The following MACROD2 variants were observed in gnomAD, a reference collection of about 807,000 sequenced individuals.
MACROD2 encodes mono-ADP ribosylhydrolase 2, also known as ADP-ribose glycohydrolase MACROD2.
MACROD2 carries 36 observed loss-of-function variants against 70.4 expected under a neutral mutation model. The observed-to-expected ratio is 0.51, with a 90% CI of 0.39 to 0.68. MACROD2 has a LOEUF of 0.68. Among genes scored for constraint, MACROD2 ranks in the 30% least tolerant of loss-of-function variants. The pLI, the probability that MACROD2 is intolerant of heterozygous loss-of-function variation, is 0.00. For missense variants in MACROD2, 496 were observed against 538.4 expected, an observed-to-expected ratio of 0.92 and a Z score of 0.78; for synonymous variants, 172 against 178.8, an observed-to-expected ratio of 0.96 and a Z score of 0.30.
chr20:14,338,375 T>C (rs951958791), intron 3 of MACROD2, among the ~76,000 whole-genome samples: 2 of 152,128 alleles, frequency 1.3e-5, no homozygotes, highest in East Asian at 1.9e-4. Flanking sequence ...CTCCAATATA[T>C]GTATATATAT....
At chr20:15,057,500 C>T (rs1177307257) in intron 5 of MACROD2, among the ~76,000 whole-genome samples, 1 of 152,190 alleles carries the variant, frequency 6.6e-6, no homozygotes, top group East Asian at 1.9e-4. Flanking sequence ...GGTTGGCCAA[C>T]TTCTCAGAGG....
At chr20:16,040,651 C>A (rs969870193) in intron 15 of MACROD2, among the ~76,000 whole-genome samples, 3 of 151,910 alleles carry the variant, frequency 2.0e-5, no homozygotes. Flanking sequence ...AATCTACTGA[C>A]GACTAAATTC....
At chr20:15,017,498 A>G (rs973341437) in intron 5 of MACROD2, among the ~76,000 whole-genome samples, 8 of 152,094 alleles carry the variant, frequency 5.3e-5, no homozygotes, top group Non-Finnish European at 1.0e-4. Context: ...TGGATCTGCC[A>G]TTCTGGGGTC....
intron 4 of MACROD2, among the ~76,000 whole-genome samples, chr20:14,497,349 CA>C (rs2084865534): frequency 1.3e-5 from 2 of 151,656 alleles, no homozygotes; most frequent in Admixed American, 6.6e-5. Context: ...GAATGTTGTA[CA>C]TGCACAAGGT....
chr20:15,337,177 T>A (rs1468478365), intron 6 of MACROD2, among the ~76,000 whole-genome samples: 1 of 151,828 alleles, frequency 6.6e-6, no homozygotes, highest in Non-Finnish European at 1.5e-5. Flanking sequence ...CAAAATATGC[T>A]GAGTATTCTC....
At chr20:14,680,458 T>A (rs528606450) in intron 4 of MACROD2, among the ~76,000 whole-genome samples, 5 of 152,250 alleles carry the variant, frequency 3.3e-5, no homozygotes, top group Admixed American at 2.0e-4. Context: ...AAGGGATTTA[T>A]CATAGAACTT....
chr20:14,264,808 G>C (rs2082130173), intron 3 of MACROD2, among the ~76,000 whole-genome samples: 1 of 152,228 alleles, frequency 6.6e-6, no homozygotes, highest in Non-Finnish European at 1.5e-5. Flanking sequence ...AACAAAATGA[G>C]AATTTGAGAG....
chr20:15,135,403 G>A (rs1286247879), intron 5 of MACROD2, among the ~76,000 whole-genome samples: 1 of 151,284 alleles, frequency 6.6e-6, no homozygotes, highest in Non-Finnish European at 1.5e-5. Context: ...TGCAAGGCTG[G>A]TTCAATATAC....
At chr20:15,474,327 C>T (rs6034199) in intron 7 of MACROD2, among the ~76,000 whole-genome samples, 1 of 151,978 alleles carries the variant, frequency 6.6e-6, no homozygotes, top group Admixed American at 6.6e-5. Context: ...TTTATTATCC[C>T]TTAGGATGAA....
At chr20:15,154,110 A>G (rs558020726) in intron 5 of MACROD2, among the ~76,000 whole-genome samples, 28 of 152,302 alleles carry the variant, frequency 1.8e-4, no homozygotes, top group African/African-American at 6.3e-4. Flanking sequence ...ACCTCTGGCC[A>G]TGAAGAATCC....
intron 8 of MACROD2, among the ~76,000 whole-genome samples, chr20:15,798,118 T>C (rs73246148): frequency 0.071 from 10,814 of 152,308 alleles, 959 homozygotes; most frequent in African/African-American, 0.21. Flanking sequence ...TAGAGGATGA[T>C]AGAAATTAAT....
chr20:14,978,884 A>G (rs367619784), intron 5 of MACROD2, among the ~76,000 whole-genome samples: 1 of 11,828 alleles, frequency 8.5e-5, no homozygotes, highest in Non-Finnish European at 3.2e-4. Flanking sequence ...TAATATATAA[A>G]ATATATATAT....
At chr20:15,144,565 C>T (rs403949) in intron 5 of MACROD2, among the ~76,000 whole-genome samples, 89,647 of 151,956 alleles carry the variant, frequency 0.59, 26,569 homozygotes, top group East Asian at 0.65. Flanking sequence ...ATAATACTTT[C>T]CCCATCAACA....
intron 5 of MACROD2, among the ~76,000 whole-genome samples, chr20:14,763,195 T>G (rs1030086701): frequency 2.7e-5 from 4 of 147,144 alleles, no homozygotes; most frequent in Non-Finnish European, 4.6e-5. Flanking sequence ...CAAAACTCCT[T>G]CTAAATAAAA....
At chr20:15,989,885 G>A (rs1300845970) in intron 15 of MACROD2, among the ~76,000 whole-genome samples, 2 of 141,618 alleles carry the variant, frequency 1.4e-5, no homozygotes, top group East Asian at 2.0e-4. Flanking sequence ...TCTCTTTTTT[G>A]TAGCATTTTA....
intron 3 of MACROD2, among the ~76,000 whole-genome samples, chr20:14,309,392 G>A (rs997597239): frequency 1.3e-5 from 2 of 152,048 alleles, no homozygotes; most frequent in African/African-American, 2.4e-5. Flanking sequence ...AGAAAAAAGT[G>A]CACCTATAAT....
chr20:15,717,295 A>ATTATTT (rs1485690956), intron 8 of MACROD2, among the ~76,000 whole-genome samples: 1 of 152,240 alleles, frequency 6.6e-6, no homozygotes, highest in African/African-American at 2.4e-5. Context: ...CTAATTAAAT[A>ATTATTT]GTCAGGCATC....
chr20:15,582,542 C>T (rs1480253556), intron 8 of MACROD2, among the ~76,000 whole-genome samples: 1 of 152,186 alleles, frequency 6.6e-6, no homozygotes, highest in Non-Finnish European at 1.5e-5. Flanking sequence ...CTTATATATA[C>T]TTGGCAAGAA....
chr20:15,330,134 G>C (rs2077976209), intron 6 of MACROD2, among the ~76,000 whole-genome samples: 1 of 151,852 alleles, frequency 6.6e-6, no homozygotes, highest in South Asian at 2.1e-4. Context: ...TGTTTCTTTG[G>C]GTCTTCATTT....
Sources: allele counts gnomAD v4.1 joint callset (sites outside exome capture counted in the v4.1 genomes callset), GRCh38; gene constraint gnomAD v4.1.1; transcripts MANE v1.5; gene names NCBI Gene and HGNC (gene_info 2026-07-23, HGNC 2026-07-21).